The following RBFOX1 variants were observed in gnomAD, a reference collection of about 807,000 sequenced individuals.
RBFOX1 encodes RNA binding protein fox-1 homolog 1.
RBFOX1 carries 8 observed loss-of-function variants against 57.7 expected under a neutral mutation model. The observed-to-expected ratio is 0.14, with a 90% confidence interval of 0.08 to 0.25. RBFOX1 has a LOEUF of 0.25. Ranked by LOEUF, RBFOX1 falls within the 10% of genes least tolerant of loss-of-function variation. The pLI is 1.00. For synonymous variants in RBFOX1, 326 were observed against 222.4 expected, an observed-to-expected ratio of 1.47 and a Z score of -4.15; for missense variants, 611 against 548.5, an observed-to-expected ratio of 1.11 and a Z score of -1.14.
At chr16:5,418,996 C>T (rs939585616) in intron 1 of RBFOX1, among the ~76,000 whole-genome samples, 1 of 152,080 alleles carries the variant, frequency 6.6e-6, no homozygotes, top group African/African-American at 2.4e-5. Context: ...CGCTGAGGGC[C>T]AGGTAGGCCA....
At chr16:7,016,593 C>A (rs2093927141) in intron 3 of RBFOX1, among the ~76,000 whole-genome samples, 1 of 152,194 alleles carries the variant, frequency 6.6e-6, no homozygotes. Flanking sequence ...GCCACACTTC[C>A]ACTTGGGTAG....
intron 3 of RBFOX1, among the ~76,000 whole-genome samples, chr16:5,813,540 T>G (rs1215784451): frequency 1.3e-5 from 2 of 152,238 alleles, no homozygotes; most frequent in Non-Finnish European, 2.9e-5. Context: ...CCATGCTCAC[T>G]GCAAGAAGCC....
rs545099629 is a variant in RBFOX1, at chr16:6,873,922, A to G, written c.-15-178135A>G. The G allele has an allele frequency of 2.6e-5, 4 of 152,302 alleles. No individual in the cohort carries two copies. In the South Asian group the frequency reaches 8.3e-4, roughly 32 times the overall value. 9.4% of individuals were successfully genotyped at this position (152,302 alleles called of 1,614,324 possible). Reference sequence around the variant, plus strand: ...CATTGCTCACTTTGGCAGCACATATACTAACATTGGAATGATACAGAGAAG... The same window carrying G: ...CATTGCTCACTTTGGCAGCACATATGCTAACATTGGAATGATACAGAGAAG... On this transcript the variant is annotated intron_variant, in intron 3 of 15. Coordinates refer to ENST00000550418, the MANE Select transcript of RBFOX1 (RefSeq NM_018723.4).
chr16:6,652,169 C>A (rs1889440767), intron 2 of RBFOX1, among the ~76,000 whole-genome samples: 1 of 152,018 alleles, frequency 6.6e-6, no homozygotes, highest in African/African-American at 2.4e-5. Flanking sequence ...GAAAGATGGC[C>A]ACACCTTACG....
chr16:7,256,001 T>G (rs979132377), intron 4 of RBFOX1, among the ~76,000 whole-genome samples: 1 of 152,204 alleles, frequency 6.6e-6, no homozygotes, highest in Admixed American at 6.5e-5. Flanking sequence ...ATTGTCTCCT[T>G]TTGTCTTATT....
At chr16:5,655,641 G>C (rs972757211) in intron 3 of RBFOX1, among the ~76,000 whole-genome samples, 2 of 152,190 alleles carry the variant, frequency 1.3e-5, no homozygotes, top group East Asian at 3.8e-4. Context: ...GTGTGTCTTT[G>C]TTCAAGCTTT....
At chr16:7,033,519 C>G (rs969589593) in intron 3 of RBFOX1, among the ~76,000 whole-genome samples, 2 of 152,100 alleles carry the variant, frequency 1.3e-5, no homozygotes, top group African/African-American at 2.4e-5. Flanking sequence ...GACTCAGTCT[C>G]AAAAACTGAA....
chr16:6,670,625 C>G (rs1001692095), intron 3 of RBFOX1, among the ~76,000 whole-genome samples: 1 of 152,192 alleles, frequency 6.6e-6, no homozygotes, highest in Non-Finnish European at 1.5e-5. Flanking sequence ...ATATACCAAT[C>G]TCTATCTACT....
chr16:5,772,682 C>T (rs1217068073), intron 3 of RBFOX1, among the ~76,000 whole-genome samples: 3 of 152,012 alleles, frequency 2.0e-5, no homozygotes, highest in South Asian at 2.1e-4. Context: ...TAAGGAGAAA[C>T]GATAGTTTGG....
chr16:5,342,156 A>T (rs547857888), intron 1 of RBFOX1, among the ~76,000 whole-genome samples: 48 of 152,314 alleles, frequency 3.2e-4, no homozygotes, highest in African/African-American at 1.0e-3. Flanking sequence ...ATTGCTTTGC[A>T]TATATGTTCA....
chr16:7,644,627 A>G (rs191234473), intron 11 of RBFOX1, among the ~76,000 whole-genome samples: 2 of 152,234 alleles, frequency 1.3e-5, no homozygotes, highest in Non-Finnish European at 2.9e-5. Context: ...ACCGTAGTCA[A>G]TACACATATC....
At chr16:5,544,011 C>A (rs1052693115) in intron 2 of RBFOX1, among the ~76,000 whole-genome samples, 1 of 152,154 alleles carries the variant, frequency 6.6e-6, no homozygotes, top group Admixed American at 6.5e-5. Context: ...ACAATTGATA[C>A]AGAGAGTAGA....
intron 3 of RBFOX1, among the ~76,000 whole-genome samples, chr16:6,919,007 G>C (rs2073876368): frequency 1.3e-5 from 2 of 152,244 alleles, no homozygotes; most frequent in South Asian, 4.1e-4. Flanking sequence ...TTGAGGCAGA[G>C]TGTTGCTCAT....
At chr16:7,317,814 T>C (rs996282072) in intron 4 of RBFOX1, among the ~76,000 whole-genome samples, 3 of 152,242 alleles carry the variant, frequency 2.0e-5, no homozygotes, top group African/African-American at 7.2e-5. Context: ...GTTTCATTTC[T>C]ACATTTACGA....
At chr16:6,683,391 C>G (rs2058958356) in intron 3 of RBFOX1, among the ~76,000 whole-genome samples, 1 of 152,024 alleles carries the variant, frequency 6.6e-6, no homozygotes, top group African/African-American at 2.4e-5. Context: ...ATGTAGGAGA[C>G]TGTCTTTATT....
chr16:7,151,094 C>G (rs1231444532), intron 4 of RBFOX1, among the ~76,000 whole-genome samples: 1 of 152,148 alleles, frequency 6.6e-6, no homozygotes, highest in Non-Finnish European at 1.5e-5. Context: ...ATTCTACTTT[C>G]AGGAACTGTT....
chr16:6,372,369 G>A (rs1374050840), intron 2 of RBFOX1, among the ~76,000 whole-genome samples: 1 of 151,472 alleles, frequency 6.6e-6, no homozygotes, highest in African/African-American at 2.4e-5. Context: ...AAGGATGGTT[G>A]GTTAGGATCT....
intron 2 of RBFOX1, among the ~76,000 whole-genome samples, chr16:5,506,203 C>T (rs1243253264): frequency 6.6e-6 from 1 of 151,656 alleles, no homozygotes; most frequent in Non-Finnish European, 1.5e-5. Context: ...GGCAGGGTTC[C>T]CAGTGTCCTC....
At chr16:7,312,998 G>T (rs530114767) in intron 4 of RBFOX1, among the ~76,000 whole-genome samples, 1 of 152,058 alleles carries the variant, frequency 6.6e-6, no homozygotes, top group Admixed American at 6.5e-5. Flanking sequence ...AAGCTGACAC[G>T]TGCATTTTCA....
Sources: gnomAD v4.1 joint callset for allele counts (sites outside exome capture counted in the v4.1 genomes callset) on GRCh38, gnomAD v4.1.1 for gene constraint, MANE v1.5 for transcripts, NCBI Gene and HGNC (gene_info 2026-07-23, HGNC 2026-07-21) for gene names.